Variants in MMS22L observed in about 807,000 individuals in gnomAD.
MMS22L encodes MMS22 like, DNA repair protein, also known as protein MMS22-like.
A neutral mutation model predicts 159.1 loss-of-function variants in MMS22L; 74 were observed. The observed-to-expected ratio is 0.47, with a 90% CI of 0.39 to 0.56. The LOEUF (loss-of-function observed/expected upper bound fraction) is 0.56, where lower values mean the gene tolerates loss of function less well. Ranked by LOEUF, MMS22L falls within the 20% of genes least tolerant of loss-of-function variation. The probability of loss-of-function intolerance (pLI) is 0.00; values close to 1 mark genes in which losing one functional copy is unlikely to be tolerated. For synonymous variants in MMS22L, 517 were observed against 506.9 expected (o/e 1.02, Z -0.27); for missense variants, 1,351 against 1,422.1 (o/e 0.95, Z 0.80).
intron 9 of MMS22L, among the ~76,000 whole-genome samples, chr6:97,257,681 A>G (rs1456957062): frequency 1.3e-5 from 2 of 151,438 alleles, no homozygotes; most frequent in Non-Finnish European, 2.9e-5. Flanking sequence ...CTCACCTAGG[A>G]CTCCCAAAGT....
At chr6:97,228,754 G>T in intron 14 of MMS22L, 140 bp downstream of exon 14, 1 of 739,864 alleles carries the variant, frequency 1.4e-6, no homozygotes, top group Non-Finnish European at 2.2e-6. Flanking sequence ...TTATGCCCAT[G>T]TAGTAGAAAA....
Position 97,146,092 on chromosome 6 carries a change from T to C in MMS22L, c.*714A>G, listed in dbSNP as rs946676134. The C allele has an allele frequency of 1.4e-5, 2 of 142,926 alleles. No homozygotes were observed. Among genetic ancestry groups the C allele is most frequent in the African/African-American group, 5.1e-5 (2 of 39,500 alleles). The allele number at this position is 142,926 out of a possible 1,614,324, so 8.9% of individuals were successfully genotyped here. On this transcript the variant is annotated 3_prime_UTR_variant, in exon 25 of 25. Coordinates refer to ENST00000683635, the MANE Select transcript of MMS22L (RefSeq NM_001350599.2). ...AGTCTCCTTTATTTCCTCCTCCTGA[T>C]ATGATTTTTTTTTTAATGACAACTC...
intron 9 of MMS22L, 109 bp from the exon 10 acceptor site, chr6:97,254,842 A>C (rs1004884077): frequency 1.1e-5 from 9 of 819,186 alleles, no homozygotes; most frequent in Non-Finnish European, 1.6e-5. Context: ...GACAAAACAC[A>C]TATATAAAAC....
At chr6:97,208,363 CA>C (rs1808010984) in intron 14 of MMS22L, among the ~76,000 whole-genome samples, 1 of 152,090 alleles carries the variant, frequency 6.6e-6, no homozygotes, top group Admixed American at 6.6e-5. Flanking sequence ...CACCATTCAA[CA>C]GACACGTCAT....
chr6:97,267,229 A>C (rs1367097690), intron 8 of MMS22L: 2 of 152,172 alleles, frequency 1.3e-5, no homozygotes, highest in Admixed American at 6.5e-5. Context: ...ATTTTGAAAA[A>C]TTATAAAACT....
intron 13 of MMS22L, chr6:97,230,328 C>T (rs1810727716): frequency 6.8e-6 from 1 of 147,204 alleles, no homozygotes; most frequent in Non-Finnish European, 1.5e-5. Flanking sequence ...TGGTCTCAAA[C>T]TCCTGATCTC....
intron 18 of MMS22L, among the ~76,000 whole-genome samples, chr6:97,174,702 C>T (rs147881301): frequency 1.2e-4 from 19 of 152,160 alleles, no homozygotes; most frequent in African/African-American, 4.3e-4. Flanking sequence ...TCCACTGCTC[C>T]GGGTTTAGTC....
intron 11 of MMS22L, among the ~76,000 whole-genome samples, chr6:97,235,227 A>C (rs572451506): frequency 1.3e-5 from 2 of 152,328 alleles, no homozygotes; most frequent in South Asian, 4.1e-4. Context: ...AAATTACATT[A>C]AAGTATGAAA....
At chr6:97,203,319 C>A (rs945671885) in intron 14 of MMS22L, among the ~76,000 whole-genome samples, 1 of 151,682 alleles carries the variant, frequency 6.6e-6, no homozygotes, top group Non-Finnish European at 1.5e-5. Flanking sequence ...ATTTTTTTTA[C>A]TGTCTTTAAC....
chr6:97,180,251 G>A (rs1010956291), intron 16 of MMS22L, among the ~76,000 whole-genome samples: 1 of 152,008 alleles, frequency 6.6e-6, no homozygotes, highest in East Asian at 1.9e-4. Context: ...ACAGGCACCC[G>A]CCACCATGCC....
intron 4 of MMS22L, among the ~76,000 whole-genome samples, chr6:97,274,764 T>C (rs1816093483): frequency 6.6e-6 from 1 of 152,158 alleles, no homozygotes; most frequent in Admixed American, 6.5e-5. Flanking sequence ...GAAGTGTCCC[T>C]CTGAGATTTA....
intron 14 of MMS22L, among the ~76,000 whole-genome samples, chr6:97,224,035 A>G (rs944015116): frequency 6.6e-5 from 10 of 152,190 alleles, no homozygotes; most frequent in African/African-American, 1.9e-4. Context: ...AGTTGACAGC[A>G]TAAGACAAAA....
At chr6:97,156,291 A>G (rs930763785) in intron 22 of MMS22L, among the ~76,000 whole-genome samples, 8 of 152,054 alleles carry the variant, frequency 5.3e-5, no homozygotes, top group African/African-American at 1.9e-4. Flanking sequence ...CACTCTGCTG[A>G]TAGTTTCTTT....
chr6:97,252,698 C>T (rs963076010), intron 10 of MMS22L, among the ~76,000 whole-genome samples: 3 of 151,018 alleles, frequency 2.0e-5, no homozygotes, highest in African/African-American at 7.3e-5. Flanking sequence ...CTCTGATAGG[C>T]ACCTAATATT....
In MMS22L at chr6:97,278,855, C is replaced by T. The variant is rs996630940; in HGVS notation, c.334G>A (p.Asp112Asn). ...NLETLLQSSC[D>N]FGKVSTLHCK... is the part of the protein sequence containing the mutation. ...AAACACACCTTAAACTTACCAAAATCACAACTGGACTGTAACAAGGTTTCC... is the reference window on the plus strand; with the variant it reads ...AAACACACCTTAAACTTACCAAAATTACAACTGGACTGTAACAAGGTTTCC... The change falls in exon 4 of 25, where the codon GAT (aspartate) becomes AAT (asparagine). Residue 112 changes from aspartate (D) to asparagine (N), a missense_variant. Asp to Asn is a conservative substitution (Grantham distance 23). Coordinates refer to ENST00000683635, the MANE Select transcript of MMS22L (RefSeq NM_001350599.2). 1.9e-6 allele frequency: 3 copies of T among 1,612,828 alleles called. No homozygotes were observed. Among genetic ancestry groups the T allele is most frequent in the Admixed American group, 3.3e-5 (2 of 59,846 alleles).
chr6:97,255,114 G>C (rs1813661260), intron 9 of MMS22L, among the ~76,000 whole-genome samples: 1 of 151,750 alleles, frequency 6.6e-6, no homozygotes, highest in Non-Finnish European at 1.5e-5. Flanking sequence ...TTTGTAACTT[G>C]CTTCTTTGGT....
Position 97,146,092 on chromosome 6 carries a change from T to A in MMS22L, c.*714A>T, listed in dbSNP as rs946676134. 7.7e-5 allele frequency: 11 copies of A among 142,926 alleles called. No homozygotes were observed. Among genetic ancestry groups the A allele is most frequent in the African/African-American group, 2.8e-4 (11 of 39,500 alleles). 8.9% of individuals were successfully genotyped at this position (142,926 alleles called of 1,614,324 possible). A position where few individuals can be genotyped will look rare whatever the true frequency, so the allele number is the denominator to read the frequency against. On this transcript the variant is annotated 3_prime_UTR_variant, in exon 25 of 25. Coordinates refer to ENST00000683635, the MANE Select transcript of MMS22L (RefSeq NM_001350599.2). ...AGTCTCCTTTATTTCCTCCTCCTGA[T>A]ATGATTTTTTTTTTAATGACAACTC...
intron 13 of MMS22L, chr6:97,230,995 C>A (rs1417981442): frequency 2.5e-5 from 4 of 160,906 alleles, no homozygotes; most frequent in Non-Finnish European, 2.7e-5. Context: ...AAAAGAAAGA[C>A]AATTTAAAAG....
chr6:97,276,972 G>A (rs189805413), intron 4 of MMS22L, among the ~76,000 whole-genome samples: 47 of 152,170 alleles, frequency 3.1e-4, no homozygotes, highest in African/African-American at 9.9e-4. Flanking sequence ...ATGAACCAGG[G>A]ACCCATCAGA....
Sources: allele counts gnomAD v4.1 joint callset (sites outside exome capture counted in the v4.1 genomes callset), GRCh38; gene constraint gnomAD v4.1.1; transcripts MANE v1.5; gene names NCBI Gene and HGNC (gene_info 2026-07-23, HGNC 2026-07-21).